Variants in UST observed in about 807,000 individuals in gnomAD.
UST encodes the protein chondroitin sulfate 2-O-sulfotransferase.
UST carries 21 observed loss-of-function variants against 45.6 expected under a neutral mutation model. That is an observed-to-expected ratio of 0.46 (90% CI 0.33 to 0.66). The LOEUF (loss-of-function observed/expected upper bound fraction) is 0.66. Ranked by LOEUF, UST falls within the 30% of genes least tolerant of loss-of-function variation. The pLI, the probability that UST is intolerant of heterozygous loss-of-function variation, is 0.02. For synonymous variants in UST, 215 were observed against 200.6 expected (o/e 1.07, Z -0.61); for missense variants, 463 against 512.4 (o/e 0.90, Z 0.93).
intron 2 of UST, among the ~76,000 whole-genome samples, chr6:148,925,503 A>C (rs902872061): frequency 6.6e-6 from 1 of 152,196 alleles, no homozygotes; most frequent in Non-Finnish European, 1.5e-5. Context: ...TTTTTTCCAA[A>C]GGTTGCCAAT....
intron 2 of UST, among the ~76,000 whole-genome samples, chr6:148,890,466 G>T (rs1778995246): frequency 6.6e-6 from 1 of 152,148 alleles, no homozygotes; most frequent in African/African-American, 2.4e-5. Context: ...TTTGCTTAGT[G>T]CTCAAAAAAT....
intron 5 of UST, among the ~76,000 whole-genome samples, chr6:149,018,530 A>G (rs1775938116): frequency 2.0e-5 from 3 of 152,194 alleles, no homozygotes; most frequent in East Asian, 1.9e-4. Context: ...TAACGCCCTC[A>G]GAAACACCAT....
At chr6:148,879,106 T>C (rs1341342633) in intron 1 of UST, among the ~76,000 whole-genome samples, 2 of 152,100 alleles carry the variant, frequency 1.3e-5, no homozygotes, top group African/African-American at 4.8e-5. Flanking sequence ...CCATATGGTT[T>C]AGGGGATAAG....
intron 4 of UST, among the ~76,000 whole-genome samples, chr6:148,959,963 T>G (rs1780614889): frequency 6.6e-6 from 1 of 151,930 alleles, no homozygotes; most frequent in Non-Finnish European, 1.5e-5. Context: ...GGGACTCTTG[T>G]TACTGTGACG....
chr6:148,975,264 G>A (rs1780993770), intron 5 of UST, among the ~76,000 whole-genome samples: 1 of 152,076 alleles, frequency 6.6e-6, no homozygotes, highest in African/African-American at 2.4e-5. Context: ...TTTCATGTCT[G>A]TAAGTCTTAT....
chr6:148,781,779 C>T (rs762202660), intron 1 of UST, among the ~76,000 whole-genome samples: 39 of 152,228 alleles, frequency 2.6e-4, no homozygotes, highest in African/African-American at 4.8e-4. Context: ...GTTTATTTAC[C>T]GTTCTGAAAA....
At chr6:148,819,073 C>T (rs2114740507) in intron 1 of UST, among the ~76,000 whole-genome samples, 1 of 152,280 alleles carries the variant, frequency 6.6e-6, no homozygotes, top group Middle Eastern at 3.4e-3. Flanking sequence ...CATGGAGAGG[C>T]TGCATTTGAA....
chr6:148,997,087 C>A (rs189230988), intron 5 of UST, among the ~76,000 whole-genome samples: 243 of 152,300 alleles, frequency 1.6e-3, no homozygotes, highest in Non-Finnish European at 2.9e-3. Context: ...CTTTTGGAGT[C>A]CCCGTGTCTG....
chr6:148,807,511 G>A (rs1777173486), intron 1 of UST, among the ~76,000 whole-genome samples: 2 of 152,164 alleles, frequency 1.3e-5, no homozygotes. Flanking sequence ...TGCCTAGTAT[G>A]TGTGCAGTAA....
At chr6:148,754,161 A>AT (rs941608893) in intron 1 of UST, among the ~76,000 whole-genome samples, 3 of 151,654 alleles carry the variant, frequency 2.0e-5, no homozygotes, top group Non-Finnish European at 2.9e-5. Context: ...TGCCTGGCTA[A>AT]TTTTTTTGTA....
chr6:148,961,609 T>C (rs986595009), intron 4 of UST, among the ~76,000 whole-genome samples: 1 of 152,122 alleles, frequency 6.6e-6, no homozygotes, highest in African/African-American at 2.4e-5. Flanking sequence ...CAAAAGGAAA[T>C]GTGCATAAAA....
intron 3 of UST, among the ~76,000 whole-genome samples, chr6:148,950,224 TG>T (rs1448994744): frequency 6.6e-6 from 1 of 152,192 alleles, no homozygotes; most frequent in Non-Finnish European, 1.5e-5. Context: ...TCAGAAGGCC[TG>T]GGGCGGATCC....
At chr6:148,749,053 G>T (rs1379482347) in intron 1 of UST, among the ~76,000 whole-genome samples, 1 of 152,068 alleles carries the variant, frequency 6.6e-6, no homozygotes, top group African/African-American at 2.4e-5. Context: ...TCTTTACCTT[G>T]TACAAGACCT....
At chr6:148,825,850 A>T (rs1479338824) in intron 1 of UST, among the ~76,000 whole-genome samples, 2 of 152,168 alleles carry the variant, frequency 1.3e-5, no homozygotes, top group African/African-American at 4.8e-5. Flanking sequence ...AAATACAGGG[A>T]AGGTTGGCCT....
intron 1 of UST, among the ~76,000 whole-genome samples, chr6:148,839,272 C>T (rs906157646): frequency 6.6e-6 from 1 of 152,144 alleles, no homozygotes; most frequent in Admixed American, 6.5e-5. Flanking sequence ...TCCAATCAAC[C>T]TGAGTCAGCA....
intron 1 of UST, among the ~76,000 whole-genome samples, chr6:148,868,363 G>T (rs1196496802): frequency 6.6e-6 from 1 of 152,174 alleles, no homozygotes; most frequent in Non-Finnish European, 1.5e-5. Flanking sequence ...TTAATGCAAA[G>T]ATGAACTCTG....
At chr6:148,878,728 G>A in intron 1 of UST, among the ~76,000 whole-genome samples, 1 of 148,724 alleles carries the variant, frequency 6.7e-6, no homozygotes, top group Non-Finnish European at 1.5e-5. Flanking sequence ...GAGTGCAGGG[G>A]ATCATGTATG....
chr6:148,856,210 G>T (rs1472234023), intron 1 of UST, among the ~76,000 whole-genome samples: 3 of 152,030 alleles, frequency 2.0e-5, no homozygotes. Flanking sequence ...TAGAGATGGG[G>T]TTTCACCATC....
intron 7 of UST, among the ~76,000 whole-genome samples, chr6:149,059,072 T>C (rs1216658368): frequency 6.6e-6 from 1 of 152,194 alleles, no homozygotes; most frequent in Non-Finnish European, 1.5e-5. Flanking sequence ...ATTCGGTAAA[T>C]ACAGGCAGCA....
Sources: gnomAD v4.1 joint callset for allele counts (sites outside exome capture counted in the v4.1 genomes callset) on GRCh38, gnomAD v4.1.1 for gene constraint, MANE v1.5 for transcripts, NCBI Gene and HGNC (gene_info 2026-07-23, HGNC 2026-07-21) for gene names.